The following RBMS3 variants were observed in gnomAD, a reference collection of about 807,000 sequenced individuals.
RBMS3 encodes the protein RNA binding motif single stranded interacting protein 3, also known as RNA-binding motif, single-stranded-interacting protein 3.
In RBMS3, 27 loss-of-function variants were observed where a neutral mutation model predicts 66.8. The observed-to-expected ratio is 0.40, with a 90% CI of 0.30 to 0.56. The LOEUF is 0.56. Ranked by LOEUF, RBMS3 falls within the 20% of genes least tolerant of loss-of-function variation. RBMS3 has a pLI of 0.40. For missense variants in RBMS3, 513 were observed against 549.5 expected (o/e 0.93, Z 0.66); for synonymous variants, 188 against 183.0 (o/e 1.03, Z -0.22).
intron 10 of RBMS3, among the ~76,000 whole-genome samples, chr3:29,910,410 A>T (rs774635395): frequency 1.3e-5 from 2 of 152,098 alleles, no homozygotes; most frequent in Non-Finnish European, 2.9e-5. Context: ...TTTAACACTT[A>T]TGTGAAGTAT....
At chr3:29,408,632 A>G (rs2040130723) in intron 1 of RBMS3, among the ~76,000 whole-genome samples, 1 of 152,112 alleles carries the variant, frequency 6.6e-6, no homozygotes, top group Admixed American at 6.6e-5. Context: ...ATTATGATAC[A>G]CTTTTTTTAT....
intron 4 of RBMS3, among the ~76,000 whole-genome samples, chr3:29,668,101 A>C (rs955759789): frequency 1.1e-4 from 17 of 152,202 alleles, no homozygotes; most frequent in African/African-American, 3.9e-4. Flanking sequence ...ATTATATGTC[A>C]GTTGTCCAGA....
chr3:29,781,040 G>A (rs1220659829), intron 6 of RBMS3, among the ~76,000 whole-genome samples: 1 of 151,596 alleles, frequency 6.6e-6, no homozygotes, highest in African/African-American at 2.4e-5. Flanking sequence ...ATGTATACAT[G>A]TGCCATGTTA....
At chr3:29,330,942 C>G (rs1424529385) in intron 1 of RBMS3, among the ~76,000 whole-genome samples, 1 of 152,126 alleles carries the variant, frequency 6.6e-6, no homozygotes, top group Non-Finnish European at 1.5e-5. Context: ...AATTTCACAG[C>G]TAGTAGTGTC....
intron 5 of RBMS3, among the ~76,000 whole-genome samples, chr3:29,743,260 T>A (rs143061078): frequency 9.7e-4 from 148 of 152,310 alleles, no homozygotes; most frequent in Middle Eastern, 3.4e-3. Context: ...TTTCTCCTTT[T>A]AAAAATATTA....
chr3:29,295,376 T>C lies in RBMS3; in HGVS notation c.75+13620T>C, dbSNP rs570634814. ...ATATATACACACACATATATATATA[T>C]ACACATATATATATGTTTCATGAAA... On this transcript the variant is annotated intron_variant, in intron 1 of 14. Coordinates refer to ENST00000383767, the MANE Select transcript of RBMS3 (RefSeq NM_001003793.3). Among the ~76,000 whole-genome samples the C allele has an allele frequency of 1.6e-3, 228 of 146,250 alleles. 3 individuals carry two copies. The highest frequency in any genetic ancestry group is 4.9e-3 in the South Asian group (23 of 4,704).
intron 7 of RBMS3, among the ~76,000 whole-genome samples, chr3:29,877,689 T>TGACTGCC (rs1211285492): frequency 2.6e-5 from 4 of 152,146 alleles, no homozygotes; most frequent in Non-Finnish European, 1.5e-5. Flanking sequence ...TGTACAGGGT[T>TGACTGCC]GACTGCCTCT....
chr3:29,363,313 G>A (rs1417365929), intron 1 of RBMS3, among the ~76,000 whole-genome samples: 1 of 152,094 alleles, frequency 6.6e-6, no homozygotes, highest in African/African-American at 2.4e-5. Context: ...TTGTGACTCA[G>A]TGCCTTTACT....
chr3:29,500,023 G>A (rs1225485189), intron 3 of RBMS3, among the ~76,000 whole-genome samples: 1 of 150,188 alleles, frequency 6.7e-6, no homozygotes, highest in African/African-American at 2.4e-5. Context: ...TGCTGCAATA[G>A]ATAAACCAAA....
At chr3:29,427,122 G>T (rs908924152) in intron 1 of RBMS3, among the ~76,000 whole-genome samples, 3 of 152,132 alleles carry the variant, frequency 2.0e-5, no homozygotes, top group African/African-American at 7.2e-5. Context: ...GAGGAGTTTT[G>T]TCTTTTATTG....
chr3:29,850,546 T>C (rs1174878734), intron 6 of RBMS3, among the ~76,000 whole-genome samples: 1 of 152,122 alleles, frequency 6.6e-6, no homozygotes, highest in African/African-American at 2.4e-5. Context: ...TTGAAGGAAA[T>C]TTCTATCCTG....
chr3:29,738,335 A>G (rs181295716), intron 4 of RBMS3, among the ~76,000 whole-genome samples: 1 of 152,268 alleles, frequency 6.6e-6, no homozygotes, highest in Admixed American at 6.5e-5. Context: ...CCTTGAAGCT[A>G]AGGTTTTTGT....
chr3:29,886,699 A>AATT (rs35491623), intron 8 of RBMS3, among the ~76,000 whole-genome samples: 12 of 151,710 alleles, frequency 7.9e-5, no homozygotes, highest in African/African-American at 1.5e-4. Context: ...CCTGGGGAGT[A>AATT]ATTATTATTT....
At chr3:29,644,273 A>G (rs1431783459) in intron 4 of RBMS3, among the ~76,000 whole-genome samples, 1 of 152,224 alleles carries the variant, frequency 6.6e-6, no homozygotes, top group Non-Finnish European at 1.5e-5. Context: ...TCCTGTGTTA[A>G]ATTGTCGTGT....
chr3:29,320,758 T>G (rs115111179), intron 1 of RBMS3, among the ~76,000 whole-genome samples: 1 of 151,992 alleles, frequency 6.6e-6, no homozygotes, highest in Non-Finnish European at 1.5e-5. Context: ...AATAAATAAC[T>G]GTGGCCCTTT....
chr3:29,511,124 T>C (rs9816474), intron 3 of RBMS3, among the ~76,000 whole-genome samples: 20,750 of 151,866 alleles, frequency 0.14, 1,879 homozygotes, highest in East Asian at 0.47. Context: ...GGTGAAACTC[T>C]GCCTCTACTA....
rs760507213 is a variant in RBMS3, at chr3:29,569,031, G to C, written c.308-18083G>C. Among the ~76,000 whole-genome samples the C allele has an allele frequency of 9.2e-5, 14 of 152,088 alleles. 1 individual carries two copies. Among genetic ancestry groups the C allele is most frequent in the Non-Finnish European group, 2.9e-5 (2 of 68,024 alleles). ...GATTCAGTAGACCTAGGGTAGGCCT[G>C]AAATTGTGCACTTCTAACAAGCTCC... On this transcript the variant is annotated intron_variant, in intron 3 of 14. Coordinates refer to ENST00000383767, the MANE Select transcript of RBMS3 (RefSeq NM_001003793.3).
At chr3:29,596,747 A>G (rs2047958421) in intron 4 of RBMS3, among the ~76,000 whole-genome samples, 1 of 152,230 alleles carries the variant, frequency 6.6e-6, no homozygotes, top group African/African-American at 2.4e-5. Flanking sequence ...CAGACTGGAT[A>G]AAATTATTAA....
chr3:29,453,962 A>G (rs551801323), intron 2 of RBMS3, among the ~76,000 whole-genome samples: 1 of 152,338 alleles, frequency 6.6e-6, no homozygotes, highest in East Asian at 1.9e-4. Context: ...AAACTGGCCC[A>G]CAAGATAGAG....
Sources: gnomAD v4.1 joint callset for allele counts (sites outside exome capture counted in the v4.1 genomes callset) on GRCh38, gnomAD v4.1.1 for gene constraint, MANE v1.5 for transcripts, NCBI Gene and HGNC (gene_info 2026-07-23, HGNC 2026-07-21) for gene names.